SOX5: variants seen among roughly 807,000 people sequenced by gnomAD.
SOX5 encodes transcription factor SOX-5.
A neutral mutation model predicts 92.0 loss-of-function variants in SOX5; 9 were observed. The observed-to-expected ratio is 0.10, with a 90% CI of 0.06 to 0.17. The LOEUF (loss-of-function observed/expected upper bound fraction) is 0.17. SOX5 is among the 10% of genes least tolerant of loss of function. The probability of loss-of-function intolerance (pLI) is 1.00; values close to 1 mark genes in which losing one functional copy is unlikely to be tolerated. For synonymous variants in SOX5, 344 were observed against 336.3 expected (o/e 1.02, Z -0.25); for missense variants, 642 against 944.5 (o/e 0.68, Z 4.20).
chr12:23,673,174 A>G (rs2139620617), intron 6 of SOX5, among the ~76,000 whole-genome samples: 1 of 152,312 alleles, frequency 6.6e-6, no homozygotes, highest in South Asian at 2.1e-4. Context: ...TTTGAGCTGA[A>G]TAAATGAATT....
At chr12:24,348,049 C>CAAAAAAAAAAAAAAA (rs1182462748) in intron 2 of SOX5, among the ~76,000 whole-genome samples, 4 of 72,716 alleles carry the variant, frequency 5.5e-5, no homozygotes, top group African/African-American at 1.4e-4. Flanking sequence ...TACAGCTAAT[C>CAAAAAAAAAAAAAAA]AAAAAAAAAA....
chr12:23,906,904 G>A (rs1393625284), intron 1 of SOX5, among the ~76,000 whole-genome samples: 1 of 150,578 alleles, frequency 6.6e-6, no homozygotes, highest in Non-Finnish European at 1.5e-5. Context: ...GTTGCCATAT[G>A]TATAAATTTT....
rs114442601 is a variant in SOX5, at chr12:24,468,910, G to C, written c.-251+93419C>G. On this transcript the variant is annotated intron_variant, in intron 1 of 4. Transcript: ENST00000446891. The stretch of plus-strand genomic sequence containing the variant: ...AGTATCCAACCTTTTTGGCACCAGC[G>C]ACAGGTTTCATGGAAGACAATGTTT... 5.1e-3 allele frequency among the ~76,000 whole-genome samples: 769 copies of C among 152,230 alleles called. 5 individuals are homozygous for C. Among genetic ancestry groups the C allele is most frequent in the African/African-American group, 0.018 (728 of 41,534 alleles).
intron 2 of SOX5, among the ~76,000 whole-genome samples, chr12:23,879,609 A>T: frequency 6.6e-6 from 1 of 152,218 alleles, no homozygotes; most frequent in Admixed American, 6.5e-5. Context: ...CCAATCTTAA[A>T]TTAATGTATG....
intron 2 of SOX5, among the ~76,000 whole-genome samples, chr12:24,319,147 T>C (rs138135677): frequency 3.3e-5 from 5 of 152,288 alleles, no homozygotes; most frequent in East Asian, 3.9e-4. Flanking sequence ...TGCTCTTCCA[T>C]TCCTTTCACC....
At chr12:23,871,833 G>T (rs769846071) in intron 2 of SOX5, among the ~76,000 whole-genome samples, 1 of 151,930 alleles carries the variant, frequency 6.6e-6, no homozygotes, top group Non-Finnish European at 1.5e-5. Flanking sequence ...TATGGGTTCC[G>T]GCACTGTGCC....
intron 11 of SOX5, among the ~76,000 whole-genome samples, chr12:23,550,218 G>A (rs574473378): frequency 1.3e-5 from 2 of 151,948 alleles, no homozygotes; most frequent in Non-Finnish European, 2.9e-5. Flanking sequence ...ATTCTGAATG[G>A]CGAAAGGCCA....
intron 10 of SOX5, among the ~76,000 whole-genome samples, chr12:23,571,802 T>G (rs1263619225): frequency 6.6e-6 from 1 of 152,228 alleles, no homozygotes; most frequent in East Asian, 1.9e-4. Flanking sequence ...ACACAGGCTC[T>G]TTAGGTCTGT....
chr12:24,026,599 C>CAAAAAAAA (rs5797058), intron 4 of SOX5, among the ~76,000 whole-genome samples: 1 of 123,828 alleles, frequency 8.1e-6, no homozygotes, highest in Non-Finnish European at 1.7e-5. Flanking sequence ...GAAAAAAAAG[C>CAAAAAAAA]AAAAAAAAAA....
chr12:24,004,686 G>A (rs188866130), intron 4 of SOX5, among the ~76,000 whole-genome samples: 2 of 152,054 alleles, frequency 1.3e-5, no homozygotes, highest in African/African-American at 2.4e-5. Context: ...GTCAAATCAC[G>A]CAGCCACATT....
intron 6 of SOX5, among the ~76,000 whole-genome samples, chr12:23,705,779 C>T (rs1434781151): frequency 6.6e-6 from 1 of 151,982 alleles, no homozygotes; most frequent in African/African-American, 2.4e-5. Flanking sequence ...TCTACAGGAG[C>T]TCGTTTAAAT....
intron 6 of SOX5, among the ~76,000 whole-genome samples, chr12:23,683,547 C>T (rs1167165990): frequency 2.0e-5 from 3 of 151,858 alleles, no homozygotes; most frequent in Non-Finnish European, 4.4e-5. Flanking sequence ...CTAAAGGTCA[C>T]ATGTGGTTCT....
intron 1 of SOX5, among the ~76,000 whole-genome samples, chr12:24,435,774 T>C (rs1411552984): frequency 1.3e-5 from 2 of 152,200 alleles, no homozygotes. Flanking sequence ...TTTTTTGTTT[T>C]CTTTTTAACA....
chr12:24,505,106 T>C (rs975518799), intron 1 of SOX5, among the ~76,000 whole-genome samples: 4 of 152,254 alleles, frequency 2.6e-5, no homozygotes, highest in African/African-American at 7.2e-5. Context: ...TATAAACCTA[T>C]GCCTACATCT....
At chr12:24,339,163 C>CCA (rs56243419) in intron 2 of SOX5, among the ~76,000 whole-genome samples, 33,448 of 140,176 alleles carry the variant, frequency 0.24, 4,287 homozygotes, top group South Asian at 0.4. Context: ...TCTCTCTCTG[C>CCA]CACACACACA....
intron 2 of SOX5, among the ~76,000 whole-genome samples, chr12:23,869,924 TGA>T (rs1284836272): frequency 6.6e-6 from 1 of 152,182 alleles, no homozygotes; most frequent in Non-Finnish European, 1.5e-5. Flanking sequence ...CCCACCAGAC[TGA>T]GTTTCCAGGA....
intron 9 of SOX5, among the ~76,000 whole-genome samples, chr12:23,596,181 C>T (rs1952405143): frequency 6.6e-6 from 1 of 152,124 alleles, no homozygotes; most frequent in South Asian, 2.1e-4. Context: ...TAGAATATTA[C>T]ATGTCTATTT....
chr12:23,803,110 C>G (rs2142203964), intron 3 of SOX5, among the ~76,000 whole-genome samples: 1 of 152,302 alleles, frequency 6.6e-6, no homozygotes, highest in South Asian at 2.1e-4. Context: ...TCTCTAAATT[C>G]TCTATCACAA....
intron 1 of SOX5, among the ~76,000 whole-genome samples, chr12:23,909,662 G>A (rs955099520): frequency 6.6e-6 from 1 of 152,140 alleles, no homozygotes; most frequent in Non-Finnish European, 1.5e-5. Flanking sequence ...AGGCCCAGCT[G>A]TATAAACCAG....
Sources: gnomAD v4.1 joint callset for allele counts (sites outside exome capture counted in the v4.1 genomes callset) on GRCh38, gnomAD v4.1.1 for gene constraint, MANE v1.5 for transcripts, NCBI Gene and HGNC (gene_info 2026-07-23, HGNC 2026-07-21) for gene names.